LATS2: variants seen among roughly 807,000 people sequenced by gnomAD.
LATS2 encodes the protein large tumor suppressor kinase 2.
LATS2 carries 24 observed loss-of-function variants against 76.0 expected under a neutral mutation model. The observed-to-expected ratio is 0.32, with a 90% confidence interval of 0.23 to 0.44. The LOEUF (loss-of-function observed/expected upper bound fraction) is 0.44. Among genes scored for constraint, LATS2 ranks in the 20% least tolerant of loss-of-function variants. The probability of loss-of-function intolerance (pLI) is 1.00; values close to 1 mark genes in which losing one functional copy is unlikely to be tolerated. For missense variants in LATS2, 1,286 were observed against 1,481.2 expected, an observed-to-expected ratio of 0.87 and a Z score of 2.16; for synonymous variants, 692 against 635.4, an observed-to-expected ratio of 1.09 and a Z score of -1.34.
intron 1 of LATS2, among the ~76,000 whole-genome samples, chr13:21,051,229 A>G (rs1048688627): frequency 2.0e-5 from 3 of 152,236 alleles, no homozygotes; most frequent in Non-Finnish European, 4.4e-5. Context: ...TGAGCAGTGC[A>G]CAACCTGAAC....
intron 2 of LATS2, among the ~76,000 whole-genome samples, chr13:21,043,163 C>A (rs927254018): frequency 6.6e-6 from 1 of 151,506 alleles, no homozygotes; most frequent in Non-Finnish European, 1.5e-5. Context: ...CATAGTGAAA[C>A]CCCGTCTCTG....
intron 1 of LATS2, among the ~76,000 whole-genome samples, chr13:21,048,900 T>C (rs1468037947): frequency 2.0e-5 from 3 of 151,976 alleles, no homozygotes; most frequent in Admixed American, 2.0e-4. Flanking sequence ...CAGGCACTGA[T>C]AGGATAAATG....
chr13:21,000,376 G>C (rs1458294961), intron 2 of LATS2, among the ~76,000 whole-genome samples: 2 of 149,944 alleles, frequency 1.3e-5, no homozygotes, highest in Non-Finnish European at 3.0e-5. Flanking sequence ...GCAAGACTCT[G>C]TCATAATAAT....
rs934922653 is a variant in LATS2 at position 20,974,492 on chromosome 13, A to C, written c.*378T>G. The C allele has an allele frequency of 2.6e-5, 6 of 234,532 alleles. No individual in the cohort carries two copies. The highest frequency in any genetic ancestry group is 1.3e-4 in the African/African-American group (6 of 45,082). 14.5% of individuals were successfully genotyped at this position (234,532 alleles called of 1,614,324 possible). A position where few individuals can be genotyped will look rare whatever the true frequency, so the allele number is the denominator to read the frequency against. ...TTCTTCAGTTTTTATGTCTTTTCCT[A>C]AATGTGAATAAGTGCTATGGATAAA... On this transcript the variant is annotated 3_prime_UTR_variant, in exon 8 of 8. Transcript: ENST00000382592.
intron 7 of LATS2, among the ~76,000 whole-genome samples, chr13:20,977,950 C>G (rs1308609937): frequency 6.6e-6 from 1 of 152,078 alleles, no homozygotes; most frequent in African/African-American, 2.4e-5. Context: ...GAGTCTCGCT[C>G]TGTCATCCAG....
At chr13:20,978,453 TGACA>T (rs1198126527) in intron 7 of LATS2, among the ~76,000 whole-genome samples, 2 of 152,202 alleles carry the variant, frequency 1.3e-5, no homozygotes, top group Non-Finnish European at 2.9e-5. Flanking sequence ...ATTAAATGAC[TGACA>T]ATTATTTAAC....
At chr13:21,035,372 T>G (rs1015280364) in intron 2 of LATS2, among the ~76,000 whole-genome samples, 3 of 152,144 alleles carry the variant, frequency 2.0e-5, no homozygotes, top group Non-Finnish European at 4.4e-5. Flanking sequence ...TTCCCCTATT[T>G]ACATCCTTGT....
intron 1 of LATS2, among the ~76,000 whole-genome samples, chr13:21,051,468 G>C (rs1415595298): frequency 6.6e-6 from 1 of 152,212 alleles, no homozygotes; most frequent in East Asian, 1.9e-4. Flanking sequence ...ACAGCACTAA[G>C]AGGTAGAACC....
intron 2 of LATS2, among the ~76,000 whole-genome samples, chr13:21,042,844 C>T (rs541889009): frequency 6.6e-6 from 1 of 151,778 alleles, no homozygotes; most frequent in African/African-American, 2.4e-5. Context: ...ATTAGCCGGG[C>T]GTGGTGGTGG....
chr13:21,010,458 T>C (rs1325328032), intron 2 of LATS2, among the ~76,000 whole-genome samples: 1 of 152,132 alleles, frequency 6.6e-6, no homozygotes, highest in Admixed American at 6.5e-5. Context: ...CAGCTTTTAG[T>C]ACATCACTCC....
rs1869511758 is a variant in LATS2, at chr13:20,974,746, GTGAAGTAATCGACGGACTAATTTAAA to G, written c.*98_*123del. The G allele has an allele frequency of 2.0e-6, 2 of 1,022,890 alleles. No homozygotes were observed. Among genetic ancestry groups the G allele is most frequent in the Non-Finnish European group, 2.8e-6 (2 of 714,116 alleles). 63.4% of individuals were successfully genotyped at this position (1,022,890 alleles called of 1,614,324 possible). A position where few individuals can be genotyped will look rare whatever the true frequency, so the allele number is the denominator to read the frequency against. On this transcript the variant is annotated 3_prime_UTR_variant, in exon 8 of 8. Transcript: ENST00000382592. ...TTCTTGGTGAAGAGCAGAATTTCAA[GTGAAGTAATCGACGGACTAATTTAAA>G]ACAAAACAGCCCTCGGCTTCCCTAT...
At chr13:21,022,333 T>C (rs1336931322) in intron 2 of LATS2, among the ~76,000 whole-genome samples, 1 of 152,174 alleles carries the variant, frequency 6.6e-6, no homozygotes, top group Non-Finnish European at 1.5e-5. Flanking sequence ...TATGCCTAAG[T>C]GCATGTACTG....
chr13:20,987,526 T>C (rs1335803867), intron 4 of LATS2, among the ~76,000 whole-genome samples: 1 of 152,242 alleles, frequency 6.6e-6, no homozygotes, highest in Non-Finnish European at 1.5e-5. Context: ...ACTTTGTTTC[T>C]ACTCATTCAA....
At chr13:20,977,554 T>C (rs1004149954) in intron 7 of LATS2, among the ~76,000 whole-genome samples, 10 of 152,008 alleles carry the variant, frequency 6.6e-5, no homozygotes, top group African/African-American at 2.2e-4. Context: ...ATATTGTGAA[T>C]GTACTTAATG....
chr13:20,989,300 C>T lies in LATS2; in HGVS notation c.480G>A (p.Lys160=), dbSNP rs765454834. 6.2e-7 allele frequency: 1 copy of T among 1,613,794 alleles called. No individual in the cohort carries two copies. Among genetic ancestry groups the T allele is most frequent in the Non-Finnish European group, 8.5e-7 (1 of 1,180,008 alleles). ...VRVIKQTSPG[K]GLMPTPVTRR... ...GCGTCACTGGGGTTGGCATGAGCCC[C>T]TTTCCTGCAGTGGAAAAAACAGGAA... The change falls in exon 4 of 8, where the codon AAG becomes AAA. Residue 160 remains lysine, a synonymous_variant. Coordinates refer to ENST00000382592, the MANE Select transcript of LATS2 (RefSeq NM_014572.3).
chr13:20,988,375 G>A lies in LATS2; in HGVS notation c.1405C>T (p.Pro469Ser). The change falls in exon 4 of 8, where the codon CCT becomes TCT. Residue 469 changes from proline (P) to serine (S), a missense_variant. Pro to Ser is a moderately conservative substitution (Grantham distance 74). Coordinates refer to ENST00000382592, the MANE Select transcript of LATS2 (RefSeq NM_014572.3). ...GPSHPAWVPA[P>S]APAPAPAPAP... Reference sequence around the variant, plus strand: ...GGGGCGGGGGCGGGGGCCGGGGCAGGCGCGGGCACCCAGGCGGGGTGCGAG... The same window carrying A: ...GGGGCGGGGGCGGGGGCCGGGGCAGACGCGGGCACCCAGGCGGGGTGCGAG... The A allele has an allele frequency of 1.5e-6, 2 of 1,371,068 alleles. No individual in the cohort carries two copies. The highest frequency in any genetic ancestry group is 1.9e-6 in the Non-Finnish European group (2 of 1,072,098). 84.9% of individuals were successfully genotyped at this position (1,371,068 alleles called of 1,614,324 possible).
In LATS2 at chr13:20,991,862, G is replaced by A. The variant is rs1255667593; in HGVS notation, c.343-458C>T. Among the ~76,000 whole-genome samples the A allele has an allele frequency of 3.3e-5, 5 of 152,176 alleles. No homozygotes were observed. The highest frequency in any genetic ancestry group is 2.1e-4 in the South Asian group (1 of 4,828). On this transcript the variant is annotated intron_variant, in intron 2 of 7. Transcript: ENST00000382592. This position sits in a 1 kb window ranked among gnomAD's most constrained non-coding sequence, Gnocchi z 4.9. The stretch of plus-strand genomic sequence containing the variant: ...TCCCCAGGGAGAGGGTGCAGCTGCC[G>A]AAGAGTCATATATTACACGCCTACT...
intron 5 of LATS2, among the ~76,000 whole-genome samples, chr13:20,982,277 AAG>A (rs1461055642): frequency 6.6e-6 from 1 of 152,212 alleles, no homozygotes; most frequent in East Asian, 1.9e-4. Context: ...GGTTGGCTAT[AAG>A]AGAGGGCTCC....
At chr13:20,975,821 T>C (rs1472316545) in intron 7 of LATS2, among the ~76,000 whole-genome samples, 4 of 152,098 alleles carry the variant, frequency 2.6e-5, no homozygotes, top group African/African-American at 9.7e-5. Context: ...GTAGCTGGGA[T>C]TACAGGCGCC....
Sources: allele counts gnomAD v4.1 joint callset (sites outside exome capture counted in the v4.1 genomes callset), GRCh38; gene constraint gnomAD v4.1.1; non-coding constraint Gnocchi (gnomAD v3.1); transcripts MANE v1.5; gene names NCBI Gene and HGNC (gene_info 2026-07-23, HGNC 2026-07-21).